FGF13: variants seen among roughly 807,000 people sequenced by gnomAD.
FGF13 encodes fibroblast growth factor 13, also known as fibroblast growth factor homologous factor 2.
Under a neutral mutation model 19.5 loss-of-function variants are expected in FGF13, and 2 were observed. The observed-to-expected ratio is 0.10, with a 90% confidence interval of 0.04 to 0.32. The LOEUF is 0.32. Among genes scored for constraint, FGF13 ranks in the 10% least tolerant of loss-of-function variants. The probability of loss-of-function intolerance (pLI) is 1.00; values close to 1 mark genes in which losing one functional copy is unlikely to be tolerated. For synonymous variants in FGF13, 72 were observed against 76.9 expected, an observed-to-expected ratio of 0.94 and a Z score of 0.33; for missense variants, 113 against 192.7, an observed-to-expected ratio of 0.59 and a Z score of 2.45.
chrX:139,158,434 T>G (rs2083998698), intron 1 of FGF13, among the ~76,000 whole-genome samples: 1 of 110,069 alleles, frequency 9.1e-6, no homozygotes, highest in South Asian at 3.9e-4. Context: ...GGGAGGGGCA[T>G]CATACATTAC....
At chrX:138,664,867 AG>A (rs1172194943) in intron 3 of FGF13, among the ~76,000 whole-genome samples, 1 of 111,366 alleles carries the variant, frequency 9.0e-6, no homozygotes, top group Non-Finnish European at 1.9e-5. Flanking sequence ...AGAAGTCCAA[AG>A]GAAGTTCCCT....
At chrX:138,957,625 G>A (rs997746731) in intron 1 of FGF13, among the ~76,000 whole-genome samples, 8 of 111,455 alleles carry the variant, frequency 7.2e-5, no homozygotes, top group South Asian at 3.8e-4. Context: ...CCATTTTCAC[G>A]ATATTGATTC....
At chrX:138,832,503 G>A (rs776537597) in intron 3 of FGF13, among the ~76,000 whole-genome samples, 10 of 111,493 alleles carry the variant, frequency 9.0e-5, no homozygotes, top group Non-Finnish European at 1.7e-4. Context: ...CTTTTTAATA[G>A]GGTTGTTTGT....
intron 1 of FGF13, among the ~76,000 whole-genome samples, chrX:139,101,254 T>C (rs2083510747): frequency 8.9e-6 from 1 of 112,358 alleles, no homozygotes; most frequent in Non-Finnish European, 1.9e-5. Flanking sequence ...AAAAAGCCAA[T>C]AGTCTACTAT....
intron 1 of FGF13, among the ~76,000 whole-genome samples, chrX:139,136,813 G>C (rs1257008770): frequency 2.7e-5 from 3 of 111,909 alleles, no homozygotes; most frequent in Non-Finnish European, 5.6e-5. Flanking sequence ...ATACCAAAAT[G>C]TCAAAAACCC....
rs548791104 is a variant in FGF13, at chrX:138,910,917, C to T, written c.-112-46267G>A. 2.4e-4 allele frequency among the ~76,000 whole-genome samples: 27 copies of T among 111,238 alleles called. No individual in the cohort carries two copies. The East Asian group carries it at 6.9e-3, about 28-fold the overall frequency. ...GAGGTAAGCAGGTTGTTTGGCTTTC[C>T]TAAACCTATTGGCCTCTATGTCAGT... On this transcript the variant is annotated intron_variant, in intron 1 of 2. Coordinates refer to the FGF13 transcript ENST00000421460.
intron 1 of FGF13, among the ~76,000 whole-genome samples, chrX:139,179,720 A>G (rs1242587877): frequency 8.8e-6 from 1 of 113,042 alleles, no homozygotes; most frequent in African/African-American, 3.2e-5. Flanking sequence ...AGCTGATTGT[A>G]TGTTTTAACA....
At chrX:139,015,710 C>T (rs1167031980) in intron 1 of FGF13, among the ~76,000 whole-genome samples, 1 of 111,059 alleles carries the variant, frequency 9.0e-6, no homozygotes, top group Non-Finnish European at 1.9e-5. Context: ...AAAAAAAATC[C>T]TAAAATCTAT....
chrX:138,860,979 A>G (rs7060077), intron 2 of FGF13, among the ~76,000 whole-genome samples: 12,059 of 112,539 alleles, frequency 0.11, 1,546 homozygotes, highest in African/African-American at 0.37. Flanking sequence ...ACAGACACAC[A>G]GACACTGACA....
At chrX:138,859,453 G>GA (rs1205104257) in intron 2 of FGF13, among the ~76,000 whole-genome samples, 1 of 112,386 alleles carries the variant, frequency 8.9e-6, no homozygotes, top group Non-Finnish European at 1.9e-5. Context: ...GGATAAAAGA[G>GA]AAAAAATGAC....
At chrX:139,097,737 A>G (rs769209601) in intron 1 of FGF13, among the ~76,000 whole-genome samples, 2 of 112,193 alleles carry the variant, frequency 1.8e-5, no homozygotes, top group East Asian at 5.6e-4. Flanking sequence ...ATTGGACTAC[A>G]GGTCTTAACC....
At position 139,062,448 on chromosome X, in the gene FGF13, T is replaced by TAAC. The variant is rs932076569; in HGVS notation, c.-113+140965_-113+140967dup. On this transcript the variant is annotated intron_variant, in intron 1 of 2. Coordinates refer to the FGF13 transcript ENST00000421460. ...CAGGACAATGCTATTTTGATTACTG[T>TAAC]AACTTTATAGTATATTTTGAAGTAA... Among the ~76,000 whole-genome samples the TAAC allele has an allele frequency of 1.8e-4, 20 of 112,242 alleles. No individual in the cohort carries two copies. In the South Asian group the frequency reaches 6.3e-3, roughly 35 times the overall value.
At chrX:138,870,017 G>A (rs763138980) in intron 1 of FGF13, among the ~76,000 whole-genome samples, 9 of 112,181 alleles carry the variant, frequency 8.0e-5, no homozygotes, top group South Asian at 7.5e-4. Flanking sequence ...AAGGCATTAC[G>A]ACTTCTTTGA....
intron 1 of FGF13, among the ~76,000 whole-genome samples, chrX:139,141,762 T>G (rs1369564383): frequency 1.8e-5 from 2 of 112,650 alleles, no homozygotes; most frequent in Non-Finnish European, 3.7e-5. Flanking sequence ...TTCTTCAATG[T>G]TCTGTTTCTC....
intron 3 of FGF13, among the ~76,000 whole-genome samples, chrX:138,659,386 A>G (rs1244823802): frequency 2.7e-5 from 3 of 112,024 alleles, no homozygotes; most frequent in African/African-American, 9.7e-5. Flanking sequence ...TAGAATGGCG[A>G]TCATTAAAAA....
At chrX:138,988,621 T>C (rs1263098705) in intron 1 of FGF13, among the ~76,000 whole-genome samples, 1 of 112,465 alleles carries the variant, frequency 8.9e-6, no homozygotes, top group Non-Finnish European at 1.9e-5. Flanking sequence ...TTAGTATATA[T>C]GATTGCAACA....
intron 1 of FGF13, among the ~76,000 whole-genome samples, chrX:138,879,852 C>A: frequency 8.9e-6 from 1 of 111,988 alleles, no homozygotes; most frequent in Non-Finnish European, 1.9e-5. Flanking sequence ...AACTAAAGAG[C>A]TTCTGCACAG....
intron 1 of FGF13, among the ~76,000 whole-genome samples, chrX:139,016,465 A>T: frequency 9.0e-6 from 1 of 111,340 alleles, no homozygotes; most frequent in Non-Finnish European, 1.9e-5. Flanking sequence ...GCAATCCAAG[A>T]TTTTCTAAGT....
At chrX:138,756,082 G>A (rs767124564) in intron 3 of FGF13, among the ~76,000 whole-genome samples, 1 of 112,062 alleles carries the variant, frequency 8.9e-6, no homozygotes, top group East Asian at 2.8e-4. Flanking sequence ...AAGGAGAGAG[G>A]CCTCAGAAGA....
Sources: allele counts gnomAD v4.1 joint callset (sites outside exome capture counted in the v4.1 genomes callset), GRCh38; gene constraint gnomAD v4.1.1; transcripts MANE v1.5; gene names NCBI Gene and HGNC (gene_info 2026-07-23, HGNC 2026-07-21).